Variants in DOCK3 observed in about 807,000 individuals in gnomAD.
The protein encoded by DOCK3 is dedicator of cytokinesis 3, also known as dedicator of cytokinesis protein 3.
Under a neutral mutation model 265.6 loss-of-function variants are expected in DOCK3, and 60 were observed. The ratio of observed to expected loss-of-function variants is 0.23; its 90% confidence interval spans 0.18 to 0.28. DOCK3 has a LOEUF of 0.28. Ranked by LOEUF, DOCK3 falls within the 10% of genes least tolerant of loss-of-function variation. The pLI, the probability that DOCK3 is intolerant of heterozygous loss-of-function variation, is 1.00. For synonymous variants in DOCK3, 881 were observed against 938.0 expected, an observed-to-expected ratio of 0.94 and a Z score of 1.11; for missense variants, 1,981 against 2,594.3, an observed-to-expected ratio of 0.76 and a Z score of 5.14.
chr3:51,036,637 C>T (rs2080279625), intron 5 of DOCK3, among the ~76,000 whole-genome samples: 1 of 152,000 alleles, frequency 6.6e-6, no homozygotes, highest in South Asian at 2.1e-4. Context: ...AGCTAAGGCT[C>T]CATTTCTCTT....
chr3:51,319,863 C>CA (rs35070435), intron 32 of DOCK3, among the ~76,000 whole-genome samples: 111,899 of 149,666 alleles, frequency 0.75, 42,672 homozygotes, highest in Middle Eastern at 0.86. Context: ...GACTCCATCT[C>CA]AAAAAAAAAC....
chr3:51,336,275 A>C (rs2084864840), intron 35 of DOCK3, among the ~76,000 whole-genome samples: 1 of 152,072 alleles, frequency 6.6e-6, no homozygotes, highest in East Asian at 1.9e-4. Context: ...GTCAGACATG[A>C]AGATTCTCAC....
chr3:51,193,617 T>G (rs2107873038), intron 12 of DOCK3, among the ~76,000 whole-genome samples: 1 of 152,248 alleles, frequency 6.6e-6, no homozygotes, highest in Non-Finnish European at 1.5e-5. Context: ...TATTCAGGGT[T>G]TTTCTTTCTT....
At chr3:50,680,669 C>A (rs3943212) in intron 1 of DOCK3, among the ~76,000 whole-genome samples, 117,206 of 151,334 alleles carry the variant, frequency 0.77, 46,623 homozygotes, top group Middle Eastern at 0.9. Context: ...CCATGCCCAG[C>A]GAATTTTTAA....
intron 22 of DOCK3, among the ~76,000 whole-genome samples, chr3:51,249,583 CAGTCCGGGAGGGAGGTGGGGGGGT>C (rs1453641529): frequency 1.2e-3 from 155 of 125,044 alleles, no homozygotes; most frequent in Middle Eastern, 4.6e-3. Flanking sequence ...GCCAGCCGCC[CAGTCCGGGAGGGAGGTGGGGGGGT>C]CAGCCCCCCG....
intron 4 of DOCK3, among the ~76,000 whole-genome samples, chr3:50,933,122 C>T (rs7428650): frequency 0.025 from 3,816 of 152,236 alleles, 183 homozygotes; most frequent in African/African-American, 0.087. Flanking sequence ...AGACCCACCC[C>T]GATGATTCAG....
intron 19 of DOCK3, among the ~76,000 whole-genome samples, chr3:51,232,309 A>G (rs1159664354): frequency 1.3e-5 from 2 of 152,180 alleles, no homozygotes; most frequent in Non-Finnish European, 2.9e-5. Flanking sequence ...ATATCCTTGC[A>G]GATGCGAATT....
intron 35 of DOCK3, among the ~76,000 whole-genome samples, chr3:51,334,953 TC>T (rs1297499430): frequency 2.6e-5 from 4 of 152,176 alleles, no homozygotes; most frequent in African/African-American, 9.7e-5. Flanking sequence ...TAATATGGCA[TC>T]ACTGGCCTTT....
intron 12 of DOCK3, among the ~76,000 whole-genome samples, chr3:51,180,069 G>A (rs12492690): frequency 0.073 from 11,112 of 151,924 alleles, 999 homozygotes; most frequent in East Asian, 0.32. Context: ...TTAGCCAGGC[G>A]TGGTGGCCGG....
intron 5 of DOCK3, among the ~76,000 whole-genome samples, chr3:51,023,838 TAATC>T (rs1049843421): frequency 1.5e-4 from 23 of 152,210 alleles, no homozygotes; most frequent in African/African-American, 5.1e-4. Flanking sequence ...AGTAGCTTGA[TAATC>T]AACCTTCTGA....
chr3:51,141,770 A>G (rs538654888), intron 9 of DOCK3, among the ~76,000 whole-genome samples: 6 of 152,310 alleles, frequency 3.9e-5, no homozygotes, highest in East Asian at 1.9e-4. Context: ...TAGTCAAGTA[A>G]TGGCCAAGAC....
At chr3:51,303,716 C>T (rs1388519817) in intron 27 of DOCK3, among the ~76,000 whole-genome samples, 1 of 152,220 alleles carries the variant, frequency 6.6e-6, no homozygotes, top group Admixed American at 6.5e-5. Context: ...CCCTATTCAC[C>T]TGGGTCCCTC....
chr3:50,988,332 G>C (rs907797298), intron 5 of DOCK3, among the ~76,000 whole-genome samples: 2 of 152,094 alleles, frequency 1.3e-5, no homozygotes, highest in African/African-American at 2.4e-5. Context: ...CTCCCAATCA[G>C]GGACCACCCC....
intron 44 of DOCK3, 105 bp downstream of exon 44, chr3:51,357,246 C>T: frequency 7.8e-7 from 1 of 1,279,396 alleles, no homozygotes; most frequent in Non-Finnish European, 1.1e-6. Context: ...GCCTTCCCTA[C>T]ATGCCCTCTC....
At chr3:51,205,267 T>C (rs2089120417) in intron 12 of DOCK3, among the ~76,000 whole-genome samples, 1 of 152,086 alleles carries the variant, frequency 6.6e-6, no homozygotes, top group Non-Finnish European at 1.5e-5. Flanking sequence ...AAAGCACTTT[T>C]ACCTAAATAT....
intron 9 of DOCK3, among the ~76,000 whole-genome samples, chr3:51,141,723 G>A (rs962684712): frequency 6.6e-5 from 10 of 152,268 alleles, no homozygotes; most frequent in African/African-American, 2.2e-4. Flanking sequence ...AGGCAAAAAC[G>A]GAAGTAGAGC....
intron 12 of DOCK3, among the ~76,000 whole-genome samples, chr3:51,162,008 CTA>C (rs2107540060): frequency 6.6e-6 from 1 of 152,250 alleles, no homozygotes; most frequent in Admixed American, 6.5e-5. Context: ...GTCATATACT[CTA>C]TCTTTGCTCA....
intron 1 of DOCK3, among the ~76,000 whole-genome samples, chr3:50,756,726 A>G (rs1159862509): frequency 1.3e-5 from 2 of 152,158 alleles, no homozygotes; most frequent in Admixed American, 6.5e-5. Flanking sequence ...TTTTGATTCT[A>G]GCACATGCAG....
intron 9 of DOCK3, among the ~76,000 whole-genome samples, chr3:51,142,580 A>T (rs982681706): frequency 6.6e-6 from 1 of 152,016 alleles, no homozygotes; most frequent in Non-Finnish European, 1.5e-5. Flanking sequence ...TTTGTTTTTT[A>T]AAATTGTGAA....
Sources: allele counts gnomAD v4.1 joint callset (sites outside exome capture counted in the v4.1 genomes callset), GRCh38; gene constraint gnomAD v4.1.1; transcripts MANE v1.5; gene names NCBI Gene and HGNC (gene_info 2026-07-23, HGNC 2026-07-21).